Variants in EPM2A observed in about 807,000 individuals in gnomAD.
EPM2A encodes laforin.
EPM2A carries 21 observed loss-of-function variants against 26.5 expected under a neutral mutation model. The observed-to-expected ratio is 0.79, with a 90% CI of 0.56 to 1.14. The LOEUF is 1.14. Ranked by LOEUF, EPM2A falls within the 50% of genes most tolerant of loss-of-function variation. EPM2A has a pLI of 0.00. For missense variants in EPM2A, 458 were observed against 440.8 expected (o/e 1.04, Z -0.35); for synonymous variants, 217 against 177.6 (o/e 1.22, Z -1.76).
At chr6:145,597,498 A>G (rs1781363499) in intron 2 of EPM2A, among the ~76,000 whole-genome samples, 1 of 149,998 alleles carries the variant, frequency 6.7e-6, no homozygotes, top group Admixed American at 6.6e-5. Flanking sequence ...TAAGTTTTAC[A>G]CTATCTGAAA....
At chr6:145,525,503 T>A (rs1264277877) in intron 2 of EPM2A, among the ~76,000 whole-genome samples, 1 of 152,080 alleles carries the variant, frequency 6.6e-6, no homozygotes, top group Non-Finnish European at 1.5e-5. Context: ...TAGTTATTCT[T>A]GTAAAGATAT....
chr6:145,569,704 G>A (rs1295972743), intron 2 of EPM2A, among the ~76,000 whole-genome samples: 1 of 152,080 alleles, frequency 6.6e-6, no homozygotes, highest in African/African-American at 2.4e-5. Flanking sequence ...TATTATTTGA[G>A]ACTTTATGGT....
chr6:145,589,893 A>AG (rs1745303341), intron 2 of EPM2A, among the ~76,000 whole-genome samples: 1 of 151,324 alleles, frequency 6.6e-6, no homozygotes, highest in South Asian at 2.1e-4. Flanking sequence ...GAGGTTAAAA[A>AG]AAAAAAAAGA....
intron 4 of EPM2A, among the ~76,000 whole-genome samples, chr6:145,415,946 C>A (rs1778702230): frequency 6.6e-6 from 1 of 152,192 alleles, no homozygotes; most frequent in African/African-American, 2.4e-5. Flanking sequence ...CTTCTTTAGA[C>A]TGGACACAGT....
At chr6:145,512,924 A>G (rs1463717202) in intron 2 of EPM2A, among the ~76,000 whole-genome samples, 2 of 152,052 alleles carry the variant, frequency 1.3e-5, no homozygotes, top group African/African-American at 4.8e-5. Flanking sequence ...CTCAAGATGT[A>G]TTAAAGAACT....
chr6:145,499,231 C>T (rs1779858283), downstream of EPM2A, among the ~76,000 whole-genome samples: 1 of 152,192 alleles, frequency 6.6e-6, no homozygotes, highest in Non-Finnish European at 1.5e-5. Context: ...CATCTTACAT[C>T]TACCTTATTT....
At chr6:145,735,524 C>A (rs974000102), upstream of EPM2A, 1 of 1,174,638 alleles carries the variant, frequency 8.5e-7, no homozygotes, top group South Asian at 4.1e-5. Flanking sequence ...CGCGAATACC[C>A]GGGCCCGGAG....
intron 2 of EPM2A, among the ~76,000 whole-genome samples, chr6:145,515,491 A>C (rs753945389): frequency 7.2e-5 from 11 of 152,198 alleles, no homozygotes; most frequent in Non-Finnish European, 2.9e-5. Context: ...CAAGATGCTG[A>C]AAGACCCTGT....
In EPM2A at chr6:145,627,077, G is replaced by A. The variant is rs1775863116; in HGVS notation, c.*339C>T. 1 of 1,210,898 alleles carries A rather than the reference G, an allele frequency of 8.3e-7. No individual in the cohort carries two copies. The highest frequency in any genetic ancestry group is 4.0e-5 in the Admixed American group (1 of 25,296). 75.0% of individuals were successfully genotyped at this position (1,210,898 alleles called of 1,614,324 possible). On this transcript the variant is annotated 3_prime_UTR_variant, in exon 4 of 4. Coordinates refer to ENST00000367519, the MANE Select transcript of EPM2A (RefSeq NM_005670.4). ...AGTTTCAGTGCAACAGGAAAGTGCT[G>A]TCACGGATCCATCGTGCAACACATA...
intron 2 of EPM2A, among the ~76,000 whole-genome samples, chr6:145,674,006 G>A (rs1166396739): frequency 6.6e-6 from 1 of 152,206 alleles, no homozygotes; most frequent in Admixed American, 6.5e-5. Flanking sequence ...CCCAACCCCT[G>A]TGTAGTCTAA....
chr6:145,499,041 C>T (rs566393337), downstream of EPM2A, among the ~76,000 whole-genome samples: 11 of 152,228 alleles, frequency 7.2e-5, no homozygotes, highest in African/African-American at 1.2e-4. Context: ...CTCTCTCATC[C>T]GTTTTTGGCC....
At chr6:145,731,420 A>T (rs989704620) in intron 1 of EPM2A, among the ~76,000 whole-genome samples, 2 of 152,240 alleles carry the variant, frequency 1.3e-5, no homozygotes, top group Admixed American at 1.3e-4. Context: ...GCCATCCTGA[A>T]AAAACAATTG....
chr6:145,677,824 A>C (rs1176875007), intron 2 of EPM2A, among the ~76,000 whole-genome samples: 1 of 152,244 alleles, frequency 6.6e-6, no homozygotes, highest in African/African-American at 2.4e-5. Flanking sequence ...GGATAGGAAG[A>C]ATCAATATCG....
chr6:145,501,774 G>A (rs1317763770), exon 4 of EPM2A: 6 of 470,770 alleles, frequency 1.3e-5, no homozygotes, highest in Non-Finnish European at 2.2e-5. Context: ...CATCTTCTAC[G>A]AGATATAATA....
intron 2 of EPM2A, among the ~76,000 whole-genome samples, chr6:145,661,593 T>C (rs1345425102): frequency 2.0e-5 from 3 of 152,222 alleles, no homozygotes; most frequent in Admixed American, 6.5e-5. Context: ...AGAATGATAC[T>C]TCTAAACTCA....
At chr6:145,630,187 C>T (rs946045767) in intron 3 of EPM2A, 3 of 152,226 alleles carry the variant, frequency 2.0e-5, no homozygotes, top group African/African-American at 7.2e-5. Context: ...CATGCAGAAG[C>T]TCCCAAGGCT....
intron 4 of EPM2A, among the ~76,000 whole-genome samples, chr6:145,410,166 A>C (rs977892138): frequency 6.6e-6 from 1 of 152,212 alleles, no homozygotes; most frequent in African/African-American, 2.4e-5. Flanking sequence ...ACGGTGTTGC[A>C]AGAGCTAAAT....
chr6:145,652,442 C>T (rs1423913285), intron 2 of EPM2A, among the ~76,000 whole-genome samples: 1 of 152,030 alleles, frequency 6.6e-6, no homozygotes, highest in Non-Finnish European at 1.5e-5. Context: ...TGTATCCTGT[C>T]AATTTTCTGA....
chr6:145,391,186 C>T (rs888760188), intron 4 of EPM2A, among the ~76,000 whole-genome samples: 2 of 152,120 alleles, frequency 1.3e-5, no homozygotes, highest in Non-Finnish European at 2.9e-5. Context: ...TTCTTGCTAA[C>T]CACCATTAAG....
Sources: allele counts gnomAD v4.1 joint callset (sites outside exome capture counted in the v4.1 genomes callset), GRCh38; gene constraint gnomAD v4.1.1; transcripts MANE v1.5; gene names NCBI Gene and HGNC (gene_info 2026-07-23, HGNC 2026-07-21).